The following MGAT5 variants were observed in gnomAD, a reference collection of about 807,000 sequenced individuals.
The protein encoded by MGAT5 is alpha-1,6-mannosylglycoprotein 6-beta-N-acetylglucosaminyltransferase A.
A neutral mutation model predicts 94.3 loss-of-function variants in MGAT5; 30 were observed. That is an observed-to-expected ratio of 0.32 (90% CI 0.24 to 0.43). The LOEUF (loss-of-function observed/expected upper bound fraction) is 0.43. MGAT5 is among the 20% of genes least tolerant of loss of function. The pLI is 1.00. For synonymous variants in MGAT5, 310 were observed against 322.9 expected (o/e 0.96, Z 0.43); for missense variants, 691 against 905.5 (o/e 0.76, Z 3.04).
intron 1 of MGAT5, among the ~76,000 whole-genome samples, chr2:134,187,514 C>G (rs903951418): frequency 1.3e-5 from 2 of 152,220 alleles, no homozygotes; most frequent in African/African-American, 4.8e-5. Context: ...TCCCCCAGAT[C>G]TTTACTTGCT....
chr2:134,398,033 A>G (rs556773920), intron 10 of MGAT5, among the ~76,000 whole-genome samples: 4 of 152,314 alleles, frequency 2.6e-5, no homozygotes, highest in African/African-American at 7.2e-5. Context: ...GCCGATTTCC[A>G]TATTTGTGGG....
chr2:134,352,583 A>G (rs573370208), intron 9 of MGAT5, among the ~76,000 whole-genome samples: 160 of 152,332 alleles, frequency 1.1e-3, no homozygotes, highest in African/African-American at 3.7e-3. Context: ...AATGATTGCC[A>G]TTGGATAAAG....
chr2:134,301,054 T>C (rs1057162610), intron 2 of MGAT5, among the ~76,000 whole-genome samples: 1 of 152,168 alleles, frequency 6.6e-6, no homozygotes, highest in Non-Finnish European at 1.5e-5. Flanking sequence ...CTCTCTACTC[T>C]GATTTCAATC....
intron 14 of MGAT5, among the ~76,000 whole-genome samples, chr2:134,439,562 G>T (rs1286651896): frequency 6.6e-6 from 1 of 152,078 alleles, no homozygotes; most frequent in African/African-American, 2.4e-5. Context: ...CTGGGTGTGG[G>T]GGTGCACACC....
At chr2:134,193,213 C>T (rs1006838750) in intron 1 of MGAT5, among the ~76,000 whole-genome samples, 3 of 151,056 alleles carry the variant, frequency 2.0e-5, no homozygotes, top group African/African-American at 7.3e-5. Flanking sequence ...GCCTTGAATT[C>T]CCAGATTCAA....
intron 1 of MGAT5, among the ~76,000 whole-genome samples, chr2:134,137,256 A>G (rs1233944937): frequency 6.6e-6 from 1 of 152,204 alleles, no homozygotes; most frequent in Non-Finnish European, 1.5e-5. Context: ...CTGTTGGCGT[A>G]TGGCTTTGGA....
At chr2:134,354,596 CT>C (rs1450544805) in intron 9 of MGAT5, among the ~76,000 whole-genome samples, 1 of 152,128 alleles carries the variant, frequency 6.6e-6, no homozygotes, top group Non-Finnish European at 1.5e-5. Context: ...ATTGAAGAAC[CT>C]TGCATTTCTG....
intron 2 of MGAT5, among the ~76,000 whole-genome samples, chr2:134,313,424 C>T (rs1317043133): frequency 6.6e-6 from 1 of 152,170 alleles, no homozygotes; most frequent in Non-Finnish European, 1.5e-5. Flanking sequence ...AATTTTTACA[C>T]CTGTGTAATC....
intron 4 of MGAT5, among the ~76,000 whole-genome samples, chr2:134,331,202 A>G (rs985689580): frequency 2.0e-5 from 3 of 152,200 alleles, no homozygotes; most frequent in African/African-American, 7.2e-5. Flanking sequence ...AAAGAAGTTT[A>G]AATCACTATG....
chr2:134,385,094 G>A (rs1681887246), intron 10 of MGAT5, among the ~76,000 whole-genome samples: 1 of 152,134 alleles, frequency 6.6e-6, no homozygotes, highest in South Asian at 2.1e-4. Context: ...CTGAGTAAAT[G>A]TATCTTATAT....
At chr2:134,213,025 T>C (rs575693235) in intron 1 of MGAT5, among the ~76,000 whole-genome samples, 1 of 152,214 alleles carries the variant, frequency 6.6e-6, no homozygotes, top group Non-Finnish European at 1.5e-5. Context: ...AATACTGTTT[T>C]GCTGTTTGGA....
At chr2:134,192,106 C>T (rs1202625116) in intron 1 of MGAT5, among the ~76,000 whole-genome samples, 2 of 144,612 alleles carry the variant, frequency 1.4e-5, no homozygotes, top group East Asian at 2.2e-4. Flanking sequence ...TTTGCGCGCT[C>T]CTCGCGCGAG....
chr2:134,279,795 T>G (rs1029046027), intron 2 of MGAT5, among the ~76,000 whole-genome samples: 9 of 152,244 alleles, frequency 5.9e-5, no homozygotes, highest in African/African-American at 2.2e-4. Flanking sequence ...TCAGCTTACA[T>G]ATGGTATTGA....
At chr2:134,373,693 A>T (rs1680966857) in intron 10 of MGAT5, among the ~76,000 whole-genome samples, 1 of 152,194 alleles carries the variant, frequency 6.6e-6, no homozygotes, top group Non-Finnish European at 1.5e-5. Context: ...ACTGTTCAAT[A>T]CTGAGATACC....
intron 1 of MGAT5, among the ~76,000 whole-genome samples, chr2:134,248,372 G>A (rs1682400011): frequency 1.3e-5 from 2 of 152,236 alleles, no homozygotes; most frequent in Admixed American, 6.5e-5. Context: ...TTGTCCTATA[G>A]AGCAAGGAAG....
rs1297720816 is a variant in MGAT5 at position 134,428,377 on chromosome 2, A to G, written c.1807A>G (p.Met603Val). 4 of 1,614,098 alleles carry G rather than the reference A, an allele frequency of 2.5e-6. No individual in the cohort carries two copies. The highest frequency in any genetic ancestry group is 3.4e-6 in the Non-Finnish European group (4 of 1,179,968). ...AILNQKIEPY[M>V]PYEFTCEGML... ...TCTGTTTCCACAGATTGAGCCATAC[A>G]TGCCATATGAATTTACGTGCGAGGG... Residue 603 changes from methionine (M) to valine (V), a missense_variant, in exon 14 of 16, where the codon ATG becomes GTG. Met to Val is a conservative substitution (Grantham distance 21). Transcript: ENST00000281923.
At position 134,334,496 on chromosome 2, in the gene MGAT5, C is replaced by CTTTTTTTTT. The variant is rs59933611; in HGVS notation, c.574-1706_574-1698dup. The stretch of plus-strand genomic sequence containing the variant: ...CAAATCTCTACTTTCCTTGCTCATC[C>CTTTTTTTTT]TTTTTTTTTTTTTTTTTTTTTTTGC... On this transcript the variant is annotated intron_variant, in intron 4 of 15. Transcript: ENST00000281923. Among the ~76,000 whole-genome samples, 55 of 34,114 alleles carry CTTTTTTTTT rather than the reference C, an allele frequency of 1.6e-3. 11 individuals carry two copies. The East Asian group carries it at 0.019, about 12-fold the overall frequency. 22.4% of individuals were successfully genotyped at this position (34,114 alleles called of 152,430 possible).
At chr2:134,403,786 T>C (rs183621315) in intron 11 of MGAT5, among the ~76,000 whole-genome samples, 3 of 151,986 alleles carry the variant, frequency 2.0e-5, no homozygotes, top group East Asian at 1.9e-4. Flanking sequence ...TGTTGAAAAA[T>C]AGTGGAGGTA....
At chr2:134,433,608 A>G (rs1034821888) in intron 14 of MGAT5, among the ~76,000 whole-genome samples, 2 of 152,216 alleles carry the variant, frequency 1.3e-5, no homozygotes, top group Non-Finnish European at 2.9e-5. Flanking sequence ...GTGTGGACAC[A>G]GTTCACTGTG....
Sources: gnomAD v4.1 joint callset for allele counts (sites outside exome capture counted in the v4.1 genomes callset) on GRCh38, gnomAD v4.1.1 for gene constraint, MANE v1.5 for transcripts, NCBI Gene and HGNC (gene_info 2026-07-23, HGNC 2026-07-21) for gene names.